ANK2: variants seen among roughly 807,000 people sequenced by gnomAD.
The protein encoded by ANK2 is ankyrin-2.
ANK2 carries 83 observed loss-of-function variants against 360.5 expected under a neutral mutation model. The ratio of observed to expected loss-of-function variants is 0.23; its 90% CI spans 0.19 to 0.28. The LOEUF (loss-of-function observed/expected upper bound fraction) is 0.28. Ranked by LOEUF, ANK2 falls within the 10% of genes least tolerant of loss-of-function variation. The pLI is 1.00. For synonymous variants in ANK2, 1,740 were observed against 1,759.5 expected (o/e 0.99, Z 0.28); for missense variants, 4,201 against 4,795.7 (o/e 0.88, Z 3.66).
chr4:112,837,834 T>G (rs538437774), intron 1 of ANK2, among the ~76,000 whole-genome samples: 1 of 152,360 alleles, frequency 6.6e-6, no homozygotes, highest in Admixed American at 6.5e-5. Flanking sequence ...CCTCATTGTA[T>G]CTTGGAAATA....
the ANK2 span, among the ~76,000 whole-genome samples, chr4:112,770,080 A>G: frequency 6.6e-6 from 1 of 152,178 alleles, no homozygotes; most frequent in Non-Finnish European, 1.5e-5. Flanking sequence ...GGTTCTGTTT[A>G]TCTGGAGAGC....
At chr4:113,146,001 TG>T (rs1252497282) in intron 1 of ANK2, 2 of 1,289,562 alleles carry the variant, frequency 1.6e-6, no homozygotes, top group Non-Finnish European at 2.0e-6. Flanking sequence ...ACCTGGAGTG[TG>T]GGTAAGTTTT....
At chr4:113,304,954 A>G (rs1477543722) in intron 23 of ANK2, among the ~76,000 whole-genome samples, 1 of 152,210 alleles carries the variant, frequency 6.6e-6, no homozygotes, top group Non-Finnish European at 1.5e-5. Context: ...ATTTAATTTA[A>G]AAATAGCCCT....
chr4:112,969,683 A>G (rs1354817442), intron 2 of ANK2, among the ~76,000 whole-genome samples: 1 of 152,154 alleles, frequency 6.6e-6, no homozygotes, highest in Non-Finnish European at 1.5e-5. Flanking sequence ...ATATTTTAGG[A>G]TATCTTGTTT....
chr4:113,355,661 C>T lies in ANK2; in HGVS notation c.7043C>T (p.Ala2348Val), dbSNP rs1297163090. The change falls in exon 38 of 46, where the codon GCC becomes GTC. Residue 2348 changes from alanine (A) to valine (V), a missense_variant. Physicochemically the swap from Ala to Val is moderately conservative, Grantham distance 64. Transcript: ENST00000357077. ...CCTACAGGACTGACTGAGGAGGCAG[C>T]CTGTGATGAAGGTCAACGTACCTTT... ...ETPTGLTEEAACDEGQRTFGS... is the reference protein window; with the variant it reads ...ETPTGLTEEAVCDEGQRTFGS... 1 of 1,614,110 alleles carries T rather than the reference C, an allele frequency of 6.2e-7. No homozygotes were observed. Among genetic ancestry groups the T allele is most frequent in the South Asian group, 1.1e-5 (1 of 91,086 alleles).
the ANK2 span, among the ~76,000 whole-genome samples, chr4:112,742,244 G>A: frequency 6.6e-6 from 1 of 152,186 alleles, no homozygotes; most frequent in Non-Finnish European, 1.5e-5. Flanking sequence ...TCCAGCCTGG[G>A]CGACAGAGCG....
At chr4:113,228,927 G>C (rs1489621786) in intron 4 of ANK2, among the ~76,000 whole-genome samples, 2 of 152,124 alleles carry the variant, frequency 1.3e-5, no homozygotes, top group African/African-American at 2.4e-5. Context: ...TGGAATGCTT[G>C]GAGTTGCACA....
At chr4:112,838,584 A>C (rs1007169259) in intron 1 of ANK2, among the ~76,000 whole-genome samples, 1 of 152,180 alleles carries the variant, frequency 6.6e-6, no homozygotes, top group Non-Finnish European at 1.5e-5. Context: ...AGTTATCCTA[A>C]TAGGCTGGGC....
intron 1 of ANK2, among the ~76,000 whole-genome samples, chr4:113,058,878 G>A (rs646862): frequency 0.25 from 38,648 of 151,878 alleles, 6,933 homozygotes; most frequent in African/African-American, 0.51. Context: ...ATATAACAAA[G>A]TACCTTAGAG....
intron 2 of ANK2, among the ~76,000 whole-genome samples, chr4:113,021,524 A>ACACACC (rs2058080756): frequency 1.6e-5 from 1 of 61,102 alleles, no homozygotes; most frequent in African/African-American, 6.7e-5. Context: ...ATATACACAC[A>ACACACC]CACACCCACA....
chr4:112,924,631 T>A (rs911996201), intron 2 of ANK2, among the ~76,000 whole-genome samples: 10 of 151,836 alleles, frequency 6.6e-5, no homozygotes, highest in African/African-American at 1.9e-4. Context: ...TTAAAGAAAT[T>A]GTAATGACAG....
At chr4:113,050,563 G>A (rs1403498292) in intron 1 of ANK2, among the ~76,000 whole-genome samples, 5 of 152,122 alleles carry the variant, frequency 3.3e-5, no homozygotes, top group African/African-American at 9.7e-5. Flanking sequence ...CCCAATGCCA[G>A]CACTTCTTTC....
chr4:113,314,095 G>A (rs1242905837), intron 24 of ANK2, among the ~76,000 whole-genome samples: 1 of 152,126 alleles, frequency 6.6e-6, no homozygotes, highest in South Asian at 2.1e-4. Context: ...AGATATGGAA[G>A]AATACAAATA....
the ANK2 span, among the ~76,000 whole-genome samples, chr4:112,742,871 C>A: frequency 6.6e-6 from 1 of 151,804 alleles, no homozygotes; most frequent in South Asian, 2.1e-4. Flanking sequence ...ATTACAGGCA[C>A]CCGCCACCAT....
chr4:113,082,379 TC>T (rs34365263), intron 1 of ANK2, among the ~76,000 whole-genome samples: 25,476 of 152,080 alleles, frequency 0.17, 2,692 homozygotes, highest in Admixed American at 0.31. Flanking sequence ...GCACAAGGTA[TC>T]TTCCTGCCTC....
At chr4:113,177,453 T>C (rs2098260250) in intron 2 of ANK2, among the ~76,000 whole-genome samples, 1 of 152,188 alleles carries the variant, frequency 6.6e-6, no homozygotes, top group African/African-American at 2.4e-5. Context: ...ATTTACAATA[T>C]GCTAGAGAAT....
intron 1 of ANK2, among the ~76,000 whole-genome samples, chr4:112,836,521 T>C (rs917941198): frequency 1.5e-4 from 23 of 152,138 alleles, no homozygotes; most frequent in African/African-American, 5.3e-4. Flanking sequence ...GACAGGGAGA[T>C]GAAGGAAAGT....
At chr4:112,802,211 A>C in the ANK2 span, among the ~76,000 whole-genome samples, 1 of 152,098 alleles carries the variant, frequency 6.6e-6, no homozygotes, top group Non-Finnish European at 1.5e-5. Context: ...TGCAGGGTGG[A>C]AAGTTTAGAG....
intron 1 of ANK2, among the ~76,000 whole-genome samples, chr4:112,848,810 G>C (rs1206408384): frequency 6.6e-6 from 1 of 152,150 alleles, no homozygotes; most frequent in Non-Finnish European, 1.5e-5. Context: ...GAATTGAATA[G>C]AAATAAATTA....
Sources: gnomAD v4.1 joint callset for allele counts (sites outside exome capture counted in the v4.1 genomes callset) on GRCh38, gnomAD v4.1.1 for gene constraint, MANE v1.5 for transcripts, NCBI Gene and HGNC (gene_info 2026-07-23, HGNC 2026-07-21) for gene names.